The following KCNIP1 variants were observed in gnomAD, a reference collection of about 807,000 sequenced individuals.
KCNIP1 encodes A-type potassium channel modulatory protein KCNIP1.
KCNIP1 carries 18 observed loss-of-function variants against 33.0 expected under a neutral mutation model. The observed-to-expected ratio is 0.55, with a 90% CI of 0.38 to 0.81. KCNIP1 has a LOEUF of 0.81. Ranked by LOEUF, KCNIP1 falls within the 30% of genes least tolerant of loss-of-function variation. The pLI is 0.00. For missense variants in KCNIP1, 238 were observed against 271.6 expected (o/e 0.88, Z 0.87); for synonymous variants, 93 against 98.3 (o/e 0.95, Z 0.32).
At chr5:170,391,392 G>A (rs936060961) in intron 1 of KCNIP1, among the ~76,000 whole-genome samples, 1 of 152,184 alleles carries the variant, frequency 6.6e-6, no homozygotes, top group South Asian at 2.1e-4. Context: ...ACAGGGAAGG[G>A]GGGCCGTGGG....
intron 1 of KCNIP1, among the ~76,000 whole-genome samples, chr5:170,556,059 C>T (rs148235618): frequency 6.6e-6 from 1 of 152,182 alleles, no homozygotes; most frequent in East Asian, 1.9e-4. Context: ...ACAACTCAAC[C>T]GTTTAGTGAA....
chr5:170,631,591 C>T (rs1760053210), intron 1 of KCNIP1, among the ~76,000 whole-genome samples: 1 of 152,236 alleles, frequency 6.6e-6, no homozygotes, highest in Admixed American at 6.5e-5. Context: ...AGCTGTCTTC[C>T]ACAGCACAGA....
chr5:170,504,539 C>G lies in KCNIP1; in HGVS notation c.-34C>G. 6.2e-7 allele frequency: 1 copy of G among 1,611,950 alleles called. No homozygotes were observed. The highest frequency in any genetic ancestry group is 8.5e-7 in the Non-Finnish European group (1 of 1,179,924). On this transcript the variant is annotated 5_prime_UTR_variant, in exon 1 of 8. Transcript: ENST00000328939. The surrounding 1 kb of genome is among the most constrained non-coding windows in gnomAD (Gnocchi z 6.0). ...TCCAGGGTAGGGGAGGGGCCGGGCC[C>G]GGGGTCCCAACTCGCACTCAAGTCT... is the stretch of plus-strand genomic sequence containing the variant.
intron 1 of KCNIP1, among the ~76,000 whole-genome samples, chr5:170,540,658 G>A (rs1163233861): frequency 1.3e-5 from 2 of 152,148 alleles, no homozygotes; most frequent in African/African-American, 2.4e-5. Context: ...CATGTCTGAG[G>A]CATCTGAAAT....
chr5:170,563,086 C>A (rs1757090562), intron 1 of KCNIP1, among the ~76,000 whole-genome samples: 1 of 152,202 alleles, frequency 6.6e-6, no homozygotes, highest in Admixed American at 6.5e-5. Flanking sequence ...CTGCAGAAGA[C>A]CTGCTAGGAG....
chr5:170,628,953 G>C (rs370337271), intron 1 of KCNIP1, among the ~76,000 whole-genome samples: 33 of 152,316 alleles, frequency 2.2e-4, no homozygotes, highest in African/African-American at 7.2e-4. Context: ...ACTGAGGTCA[G>C]CGCTGGCCAC....
intron 1 of KCNIP1, among the ~76,000 whole-genome samples, chr5:170,576,515 T>C (rs1298625017): frequency 3.3e-5 from 5 of 152,166 alleles, no homozygotes; most frequent in Non-Finnish European, 7.3e-5. Flanking sequence ...ATGGAAGATA[T>C]TGTTGCAAGC....
chr5:170,472,223 T>C (rs1756745073), intron 1 of KCNIP1, among the ~76,000 whole-genome samples: 3 of 152,112 alleles, frequency 2.0e-5, no homozygotes, highest in Admixed American at 2.0e-4. Context: ...GGGAATCATC[T>C]CAGTCCAAAC....
At chr5:170,438,153 T>C (rs1225590237) in intron 1 of KCNIP1, among the ~76,000 whole-genome samples, 1 of 152,066 alleles carries the variant, frequency 6.6e-6, no homozygotes, top group Non-Finnish European at 1.5e-5. Context: ...CAGATGTTAC[T>C]CAGGCCCCAA....
chr5:170,689,136 C>T (rs1762637133), intron 1 of KCNIP1, among the ~76,000 whole-genome samples: 2 of 152,160 alleles, frequency 1.3e-5, no homozygotes, highest in South Asian at 4.1e-4. Context: ...GGAGAGCCAA[C>T]AGAGATGTGG....
intron 1 of KCNIP1, among the ~76,000 whole-genome samples, chr5:170,707,228 C>T (rs763198686): frequency 1.4e-4 from 21 of 151,890 alleles, no homozygotes; most frequent in Non-Finnish European, 1.9e-4. Flanking sequence ...AAAACATCCT[C>T]TAGAGATCTG....
At chr5:170,539,836 G>T (rs1391783292) in intron 1 of KCNIP1, among the ~76,000 whole-genome samples, 1 of 152,078 alleles carries the variant, frequency 6.6e-6, no homozygotes, top group Non-Finnish European at 1.5e-5. Context: ...TAGGTTCTTT[G>T]GTTATGGCCC....
chr5:170,647,699 TA>T (rs1760841210), intron 1 of KCNIP1, among the ~76,000 whole-genome samples: 1 of 152,096 alleles, frequency 6.6e-6, no homozygotes, highest in Non-Finnish European at 1.5e-5. Context: ...GAATCATATC[TA>T]GAAGATCCTG....
intron 1 of KCNIP1, among the ~76,000 whole-genome samples, chr5:170,358,365 C>CT (rs1763404407): frequency 6.6e-6 from 1 of 152,134 alleles, no homozygotes; most frequent in Non-Finnish European, 1.5e-5. Context: ...GGCTGTTCCT[C>CT]TTTTTTCGAG....
chr5:170,510,097 G>A (rs370507799), intron 1 of KCNIP1, among the ~76,000 whole-genome samples: 31 of 152,220 alleles, frequency 2.0e-4, no homozygotes, highest in African/African-American at 7.0e-4. Flanking sequence ...TCATTCACCT[G>A]GCCAACTCCT....
intron 1 of KCNIP1, among the ~76,000 whole-genome samples, chr5:170,535,328 G>A (rs950807363): frequency 6.6e-6 from 1 of 152,178 alleles, no homozygotes; most frequent in Non-Finnish European, 1.5e-5. Flanking sequence ...GAAGGAAAAA[G>A]GAGGGAAGAC....
At chr5:170,531,116 A>G (rs1019222565) in intron 1 of KCNIP1, among the ~76,000 whole-genome samples, 1 of 152,196 alleles carries the variant, frequency 6.6e-6, no homozygotes, top group African/African-American at 2.4e-5. Context: ...GGGTTTAGGT[A>G]TGACCATGTG....
chr5:170,524,900 G>A (rs1232558662), intron 1 of KCNIP1, among the ~76,000 whole-genome samples: 1 of 152,168 alleles, frequency 6.6e-6, no homozygotes, highest in East Asian at 1.9e-4. Flanking sequence ...AGTGGTGAGA[G>A]GGATTCCTCC....
At chr5:170,507,720 TA>T (rs1442254185) in intron 1 of KCNIP1, among the ~76,000 whole-genome samples, 1 of 152,220 alleles carries the variant, frequency 6.6e-6, no homozygotes, top group Non-Finnish European at 1.5e-5. Flanking sequence ...TCTGCATGAT[TA>T]GTGCTGCAAG....
Sources: allele counts gnomAD v4.1 joint callset (sites outside exome capture counted in the v4.1 genomes callset), GRCh38; gene constraint gnomAD v4.1.1; non-coding constraint Gnocchi (gnomAD v3.1); transcripts MANE v1.5; gene names NCBI Gene and HGNC (gene_info 2026-07-23, HGNC 2026-07-21).